ATP13A4: variants seen among roughly 807,000 people sequenced by gnomAD.
ATP13A4 encodes the protein ATPase 13A4.
In ATP13A4, 114 loss-of-function variants were observed where a neutral mutation model predicts 142.5. The ratio of observed to expected loss-of-function variants is 0.80; its 90% CI spans 0.69 to 0.93. The LOEUF (loss-of-function observed/expected upper bound fraction) is 0.93. ATP13A4 is among the 40% of genes least tolerant of loss of function. ATP13A4 has a pLI of 0.00. For synonymous variants in ATP13A4, 488 were observed against 514.8 expected, an observed-to-expected ratio of 0.95 and a Z score of 0.70; for missense variants, 1,392 against 1,454.0, an observed-to-expected ratio of 0.96 and a Z score of 0.69.
intron 2 of ATP13A4, among the ~76,000 whole-genome samples, chr3:193,564,320 G>A (rs1724086572): frequency 6.6e-6 from 1 of 152,256 alleles, no homozygotes; most frequent in South Asian, 2.1e-4. Flanking sequence ...ATCCCTAAAT[G>A]AGGGTAAGCA....
intron 13 of ATP13A4, 23 bp from the exon 14 acceptor site, chr3:193,459,254 T>C (rs1717815086): frequency 6.2e-7 from 1 of 1,613,850 alleles, no homozygotes; most frequent in South Asian, 1.1e-5. Flanking sequence ...AGGAAATGGG[T>C]TTCCATTCCA....
chr3:193,508,113 G>A (rs1720952782), intron 2 of ATP13A4, among the ~76,000 whole-genome samples: 2 of 152,198 alleles, frequency 1.3e-5, no homozygotes, highest in South Asian at 2.1e-4. Context: ...TGAAGACACA[G>A]TGAGAAGACA....
At chr3:193,448,980 A>C (rs1020438819) in intron 17 of ATP13A4, among the ~76,000 whole-genome samples, 10 of 152,218 alleles carry the variant, frequency 6.6e-5, no homozygotes, top group Non-Finnish European at 1.5e-4. Context: ...ATGAAAAAAA[A>C]CGGAGGTGCA....
In ATP13A4 at chr3:193,442,118, G is replaced by A. The variant is rs752377076; in HGVS notation, c.2316+275C>T. Among the ~76,000 whole-genome samples the A allele has an allele frequency of 3.9e-5, 6 of 152,320 alleles. No homozygotes were observed. In the East Asian group the frequency reaches 1.2e-3, roughly 29 times the overall value. On this transcript the variant is annotated intron_variant, in intron 19 of 29. Coordinates refer to ENST00000342695, the MANE Select transcript of ATP13A4 (RefSeq NM_032279.4). ...GGTGATTGACAAGCAAGGGGAAAGG[G>A]AGAAAATAGATTCAACTCCACGCAC...
intron 1 of ATP13A4, among the ~76,000 whole-genome samples, chr3:193,584,032 A>G (rs1704956666): frequency 6.6e-6 from 1 of 152,194 alleles, no homozygotes; most frequent in Admixed American, 6.5e-5. Context: ...ACTCCATATC[A>G]GAAAGAAATC....
intron 1 of ATP13A4, among the ~76,000 whole-genome samples, chr3:193,535,976 A>G (rs1224777417): frequency 2.0e-5 from 3 of 152,086 alleles, no homozygotes; most frequent in African/African-American, 7.2e-5. Flanking sequence ...TATTAAGAAA[A>G]TTGAATTTGT....
chr3:193,460,256 T>C (rs540786026), intron 13 of ATP13A4, among the ~76,000 whole-genome samples: 93 of 152,336 alleles, frequency 6.1e-4, no homozygotes, highest in African/African-American at 2.2e-3. Context: ...ACCTTCCTTA[T>C]TCTTCTTTTT....
rs148746693 is a variant in ATP13A4 at position 193,564,675 on chromosome 3, C to T, written n.291+17032G>A. ...TAGAAAAGAGTATGAGCTATAATGTCAGATAGTTTGGGCTCTAATTATTGC... is the reference window on the plus strand; with the variant it reads ...TAGAAAAGAGTATGAGCTATAATGTTAGATAGTTTGGGCTCTAATTATTGC... On this transcript the variant is annotated intron_variant and non_coding_transcript_variant, in intron 2 of 3. Coordinates refer to the ATP13A4 transcript ENST00000489140. Among the ~76,000 whole-genome samples the T allele has an allele frequency of 1.9e-4, 29 of 152,310 alleles. No homozygotes were observed. The East Asian group carries it at 5.4e-3, about 28-fold the overall frequency.
At chr3:193,464,161 AAT>A (rs1445226653) in intron 12 of ATP13A4, among the ~76,000 whole-genome samples, 1 of 152,214 alleles carries the variant, frequency 6.6e-6, no homozygotes, top group African/African-American at 2.4e-5. Context: ...CACTGCTTAA[AAT>A]ATATGTAAAC....
At chr3:193,540,291 G>C (rs566662139) in intron 1 of ATP13A4, among the ~76,000 whole-genome samples, 1 of 152,022 alleles carries the variant, frequency 6.6e-6, no homozygotes, top group African/African-American at 2.4e-5. Context: ...TGAAGAAAGA[G>C]AGGCTTCATG....
chr3:193,529,068 A>G (rs1039325183), intron 1 of ATP13A4, among the ~76,000 whole-genome samples: 1 of 152,090 alleles, frequency 6.6e-6, no homozygotes, highest in Non-Finnish European at 1.5e-5. Context: ...TCAGGAGATC[A>G]AGACCATCCT....
At chr3:193,506,127 C>T (rs1348921671) in intron 2 of ATP13A4, among the ~76,000 whole-genome samples, 1 of 152,176 alleles carries the variant, frequency 6.6e-6, no homozygotes, top group African/African-American at 2.4e-5. Flanking sequence ...CTCTAAAAGT[C>T]TCTCAATTTT....
intron 7 of ATP13A4, among the ~76,000 whole-genome samples, chr3:193,484,401 T>C (rs1311349217): frequency 6.6e-6 from 1 of 152,078 alleles, no homozygotes; most frequent in Non-Finnish European, 1.5e-5. Flanking sequence ...TTTGCTGTTC[T>C]AATACATGAA....
intron 2 of ATP13A4, among the ~76,000 whole-genome samples, chr3:193,562,421 T>C (rs1724035676): frequency 1.3e-5 from 2 of 152,222 alleles, no homozygotes; most frequent in Admixed American, 6.5e-5. Context: ...TCAGGCATTT[T>C]TGTAAAAATG....
Position 193,457,003 on chromosome 3 carries a change from T to C in ATP13A4, c.1912A>G (p.Thr638Ala), listed in dbSNP as rs1242216912. The C allele has an allele frequency of 1.2e-6, 2 of 1,612,452 alleles. No individual in the cohort carries two copies. The highest frequency in any genetic ancestry group is 2.2e-5 in the East Asian group (1 of 44,878). ...TAATCCAAGTCAAGTTACAGACCTG[T>C]CTCAGGTTGGCAAAAGCTGGCCACC... ...ERVASFCQPE[T>A]VPTSFVSELQ... is the part of the protein sequence containing the mutation. Residue 638 changes from threonine (T) to alanine (A), a missense_variant, in exon 16 of 30, where the codon ACA (threonine) becomes GCA (alanine). Coordinates refer to ENST00000342695, the MANE Select transcript of ATP13A4 (RefSeq NM_032279.4).
At chr3:193,576,942 C>G (rs1340639548) in intron 2 of ATP13A4, among the ~76,000 whole-genome samples, 1 of 152,192 alleles carries the variant, frequency 6.6e-6, no homozygotes, top group Admixed American at 6.5e-5. Context: ...AGAAGCAGGA[C>G]CTCAAAGTTT....
intron 22 of ATP13A4, 49 bp downstream of exon 22, chr3:193,438,974 A>AGTGTAATC (rs768879596): frequency 1.3e-6 from 2 of 1,544,382 alleles, no homozygotes; most frequent in Admixed American, 3.3e-5. Context: ...AAAGGGCTTA[A>AGTGTAATC]GTGTAATCGA....
chr3:193,491,465 C>A, intron 5 of ATP13A4, 67 bp from the exon 6 acceptor site: 1 of 1,140,504 alleles, frequency 8.8e-7, no homozygotes, highest in South Asian at 1.2e-5. Context: ...CTCACCTATT[C>A]AGAAAAAGGT....
At chr3:193,404,262 C>G in intron 29 of ATP13A4, 1 of 461,910 alleles carries the variant, frequency 2.2e-6, no homozygotes, top group South Asian at 9.0e-5. Context: ...TGAAACCACA[C>G]ACACACACAC....
Sources: gnomAD v4.1 joint callset for allele counts (sites outside exome capture counted in the v4.1 genomes callset) on GRCh38, gnomAD v4.1.1 for gene constraint, MANE v1.5 for transcripts, NCBI Gene and HGNC (gene_info 2026-07-23, HGNC 2026-07-21) for gene names.